Variants in ESR1 observed in about 807,000 individuals in gnomAD.
The protein encoded by ESR1 is estrogen receptor.
A neutral mutation model predicts 52.7 loss-of-function variants in ESR1; 12 were observed. The observed-to-expected ratio is 0.23, with a 90% confidence interval of 0.15 to 0.37. The LOEUF is 0.37. Among genes scored for constraint, ESR1 ranks in the 10% least tolerant of loss-of-function variants. The pLI is 1.00. For missense variants in ESR1, 584 were observed against 779.7 expected, an observed-to-expected ratio of 0.75 and a Z score of 2.99; for synonymous variants, 305 against 316.8, an observed-to-expected ratio of 0.96 and a Z score of 0.39.
chr6:151,899,608 C>G (rs1357487622), intron 3 of ESR1, among the ~76,000 whole-genome samples: 2 of 151,550 alleles, frequency 1.3e-5, no homozygotes, highest in Admixed American at 1.3e-4. Context: ...GACGGGGTGG[C>G]TGCCGGGCGG....
intron 2 of ESR1, among the ~76,000 whole-genome samples, chr6:151,857,070 A>T (rs916983130): frequency 1.3e-5 from 2 of 152,210 alleles, no homozygotes; most frequent in Non-Finnish European, 2.9e-5. Context: ...GTGTATTCAT[A>T]TATGGCTGCA....
At chr6:151,906,970 G>A (rs1028259257) in intron 3 of ESR1, among the ~76,000 whole-genome samples, 1 of 151,130 alleles carries the variant, frequency 6.6e-6, no homozygotes, top group African/African-American at 2.4e-5. Flanking sequence ...TTTTTCCATT[G>A]AATAACCAAA....
chr6:151,700,941 A>G (rs1779731705), intron 1 of ESR1, among the ~76,000 whole-genome samples: 1 of 152,284 alleles, frequency 6.6e-6, no homozygotes, highest in Admixed American at 6.5e-5. Flanking sequence ...GGATATTCTT[A>G]AAGCACCCCA....
intron 5 of ESR1, among the ~76,000 whole-genome samples, chr6:152,057,862 G>A (rs1263421735): frequency 2.0e-5 from 3 of 152,166 alleles, no homozygotes; most frequent in Non-Finnish European, 4.4e-5. Context: ...CAGGATACCA[G>A]TGAGAAGAGG....
rs535523493 is a variant in ESR1 at position 151,961,758 on chromosome 6, T to A, written c.1096+17250T>A. Among the ~76,000 whole-genome samples, 4 of 152,162 alleles carry A rather than the reference T, an allele frequency of 2.6e-5. No individual in the cohort carries two copies. The South Asian group carries it at 8.3e-4, about 32-fold the overall frequency. On this transcript the variant is annotated intron_variant, in intron 4 of 7. Coordinates refer to ENST00000206249, the MANE Select transcript of ESR1 (RefSeq NM_000125.4). ...GAGAGGTCAAAGCGGCAAGAGTAGTTGTGCCACAGTCTTTTAGGAGAGAGG... is the reference window on the plus strand; with the variant it reads ...GAGAGGTCAAAGCGGCAAGAGTAGTAGTGCCACAGTCTTTTAGGAGAGAGG...
At chr6:151,748,543 C>G (rs898083561) in intron 2 of ESR1, among the ~76,000 whole-genome samples, 1 of 152,116 alleles carries the variant, frequency 6.6e-6, no homozygotes, top group African/African-American at 2.4e-5. Flanking sequence ...CATGCGCATC[C>G]ACAAGACATA....
chr6:151,747,795 T>C lies in ESR1; in HGVS notation c.-71+45790T>C, dbSNP rs970899664. 3.3e-5 allele frequency among the ~76,000 whole-genome samples: 5 copies of C among 152,328 alleles called. No individual in the cohort carries two copies. The East Asian group carries it at 5.8e-4, about 18-fold the overall frequency. ...ATAGTGTTTTCAAGGGTCATTTATA[T>C]TGCAGCATGTATCAGTACTTCATTC... On this transcript the variant is annotated intron_variant, in intron 2 of 2. Coordinates refer to the ESR1 transcript ENST00000404742.
intron 2 of ESR1, among the ~76,000 whole-genome samples, chr6:151,744,437 T>C (rs1783334026): frequency 6.6e-6 from 1 of 152,224 alleles, no homozygotes; most frequent in African/African-American, 2.4e-5. Flanking sequence ...AGTATCTTGT[T>C]ATAGTTTTGA....
intron 5 of ESR1, among the ~76,000 whole-genome samples, chr6:152,023,990 C>T (rs1188113718): frequency 6.6e-6 from 1 of 152,166 alleles, no homozygotes; most frequent in African/African-American, 2.4e-5. Context: ...TAATTGCATT[C>T]ACTTATATTT....
intron 5 of ESR1, among the ~76,000 whole-genome samples, chr6:152,054,442 G>A (rs917706880): frequency 1.3e-5 from 2 of 151,868 alleles, no homozygotes; most frequent in African/African-American, 4.8e-5. Flanking sequence ...TTATCACCAC[G>A]GTGCTGTCTC....
chr6:151,882,523 G>A (rs2128338620), intron 3 of ESR1, among the ~76,000 whole-genome samples: 1 of 152,272 alleles, frequency 6.6e-6, no homozygotes, highest in South Asian at 2.1e-4. Flanking sequence ...CTTACAAAAT[G>A]CGTCTTAAGG....
rs1451501590 is a variant in ESR1, at chr6:152,098,993, G to A, written c.*27G>A. 2.5e-6 allele frequency: 4 copies of A among 1,583,264 alleles called. No homozygotes were observed. The highest frequency in any genetic ancestry group is 1.1e-5 in the South Asian group (1 of 90,200). On this transcript the variant is annotated 3_prime_UTR_variant, in exon 8 of 8. Coordinates refer to ENST00000206249, the MANE Select transcript of ESR1 (RefSeq NM_000125.4). This position sits in a 1 kb window ranked among gnomAD's most constrained non-coding sequence, Gnocchi z 5.1. ...AGCTCCCTGGCTCCCACACGGTTCA[G>A]ATAATCCCTGCTGCATTTTACCCTC...
intron 5 of ESR1, among the ~76,000 whole-genome samples, chr6:152,027,724 C>A (rs1336297208): frequency 6.6e-6 from 1 of 152,122 alleles, no homozygotes; most frequent in East Asian, 1.9e-4. Context: ...ACATAAATTG[C>A]AATACTTTTA....
chr6:151,851,798 G>T (rs1246380522), intron 2 of ESR1, among the ~76,000 whole-genome samples: 1 of 152,172 alleles, frequency 6.6e-6, no homozygotes, highest in Non-Finnish European at 1.5e-5. Flanking sequence ...AAAGTGCTGG[G>T]ATTACAGGCG....
chr6:151,789,787 A>G lies in ESR1; in HGVS notation c.-70-18056A>G, dbSNP rs138371930. 6.5e-3 allele frequency among the ~76,000 whole-genome samples: 988 copies of G among 152,202 alleles called. 4 individuals carry two copies. Among genetic ancestry groups the G allele is most frequent in the South Asian group, 0.026 (126 of 4,818 alleles). On this transcript the variant is annotated intron_variant, in intron 2 of 2. Coordinates refer to the ESR1 transcript ENST00000404742. ...TCCCCTTTCCCAGTTCTGGCCCCAT[A>G]CAAGCCCGCTGCCTGCAGTGTAATG...
In ESR1 at chr6:152,098,415, T is replaced by C. The variant is rs1006622081; in HGVS notation, c.1554-317T>C. 2.6e-5 allele frequency among the ~76,000 whole-genome samples: 4 copies of C among 151,992 alleles called. No individual in the cohort carries two copies. The highest frequency in any genetic ancestry group is 9.7e-5 in the African/African-American group (4 of 41,390). On this transcript the variant is annotated intron_variant, in intron 7 of 7. Coordinates refer to ENST00000206249, the MANE Select transcript of ESR1 (RefSeq NM_000125.4). The surrounding 1 kb of genome is among the most constrained non-coding windows in gnomAD (Gnocchi z 5.1). ...GGTCCTATTGGAGGGGAATAGGATC[T>C]CATTTGAGGCCACGGAGGTCCATGG...
rs377624472 is a variant in ESR1, at chr6:151,795,872, G to A, written c.-70-11971G>A. Among the ~76,000 whole-genome samples, 40 of 152,198 alleles carry A rather than the reference G, an allele frequency of 2.6e-4. No individual in the cohort carries two copies. In the South Asian group the frequency reaches 7.5e-3, roughly 28 times the overall value. On this transcript the variant is annotated intron_variant, in intron 2 of 2. Transcript: ENST00000404742. ...CATCAAAAATGACGAAGATGTGGCC[G>A]GGTGCGGTGGCTCACGCCTGTAATC...
Position 152,098,868 on chromosome 6 carries a change from G to A in ESR1, c.1690G>A (p.Asp564Asn), listed in dbSNP as rs774794965. The A allele has an allele frequency of 6.2e-7, 1 of 1,614,166 alleles. No homozygotes were observed. Among genetic ancestry groups the A allele is most frequent in the Non-Finnish European group, 8.5e-7 (1 of 1,180,040 alleles). Residue 564 changes from aspartate (D) to asparagine (N), a missense_variant, in exon 8 of 8, where the codon GAC (aspartate) becomes AAC (asparagine). This residue lies in a region of ESR1 where 71 missense variants were observed against 66.1 expected (regional missense o/e 1.07). Coordinates refer to ENST00000206249, the MANE Select transcript of ESR1 (RefSeq NM_000125.4). The surrounding 1 kb of genome is among the most constrained non-coding windows in gnomAD (Gnocchi z 5.1). The stretch of plus-strand genomic sequence containing the variant: ...TGGAGGGGCATCCGTGGAGGAGACG[G>A]ACCAAAGCCACTTGGCCACTGCGGG... ...SRGGASVEETDQSHLATAGST... is the reference protein window; with the variant it reads ...SRGGASVEETNQSHLATAGST...
At chr6:151,926,946 T>C (rs1280517119) in intron 3 of ESR1, among the ~76,000 whole-genome samples, 1 of 152,096 alleles carries the variant, frequency 6.6e-6, no homozygotes, top group African/African-American at 2.4e-5. Context: ...GGGAAAGTGG[T>C]TAGTTTTTTG....
Sources: gnomAD v4.1 joint callset for allele counts (sites outside exome capture counted in the v4.1 genomes callset) on GRCh38, gnomAD v4.1.1 for gene constraint, gnomAD v4.1.1 regional missense constraint, Gnocchi (gnomAD v3.1) non-coding constraint, MANE v1.5 for transcripts, NCBI Gene and HGNC (gene_info 2026-07-23, HGNC 2026-07-21) for gene names.